The following CEP112 variants were observed in gnomAD, a reference collection of about 807,000 sequenced individuals.
CEP112 encodes centrosomal protein of 112 kDa.
CEP112 carries 127 observed loss-of-function variants against 153.0 expected under a neutral mutation model. The observed-to-expected ratio is 0.83, with a 90% confidence interval of 0.72 to 0.96. The LOEUF (loss-of-function observed/expected upper bound fraction) is 0.96. CEP112 is among the 40% of genes least tolerant of loss of function. The pLI, the probability that CEP112 is intolerant of heterozygous loss-of-function variation, is 0.00. For synonymous variants in CEP112, 358 were observed against 374.4 expected, an observed-to-expected ratio of 0.96 and a Z score of 0.51; for missense variants, 1,089 against 1,101.2, an observed-to-expected ratio of 0.99 and a Z score of 0.16.
chr17:65,906,315 G>GC (rs1290586785), intron 19 of CEP112, among the ~76,000 whole-genome samples: 2 of 152,074 alleles, frequency 1.3e-5, no homozygotes, highest in African/African-American at 2.4e-5. Context: ...AATACCTAAT[G>GC]TAGGTGACGG....
At chr17:66,158,233 C>T (rs937022328) in intron 4 of CEP112, among the ~76,000 whole-genome samples, 1 of 152,162 alleles carries the variant, frequency 6.6e-6, no homozygotes, top group Non-Finnish European at 1.5e-5. Flanking sequence ...GATTAAGAAA[C>T]TCACTCAAAA....
At chr17:65,653,396 A>G (rs780355013) in intron 24 of CEP112, among the ~76,000 whole-genome samples, 4 of 152,232 alleles carry the variant, frequency 2.6e-5, no homozygotes, top group Admixed American at 6.5e-5. Context: ...TGTTCTTTGA[A>G]TGTCTGGCTT....
chr17:65,705,556 G>C (rs1038515575), intron 23 of CEP112, among the ~76,000 whole-genome samples: 5 of 152,190 alleles, frequency 3.3e-5, no homozygotes, highest in African/African-American at 4.8e-5. Context: ...AGTGTGTTAA[G>C]TGTTCAATTG....
chr17:65,653,284 A>C (rs2045881326), intron 24 of CEP112, among the ~76,000 whole-genome samples: 1 of 152,236 alleles, frequency 6.6e-6, no homozygotes, highest in African/African-American at 2.4e-5. Flanking sequence ...TAAGGGAAGG[A>C]TCTCAGCTCA....
chr17:65,717,508 G>T (rs1330185061), intron 23 of CEP112, among the ~76,000 whole-genome samples: 2 of 152,158 alleles, frequency 1.3e-5, no homozygotes, highest in Non-Finnish European at 2.9e-5. Context: ...CTTTTGGTTG[G>T]TTTTTCCTCC....
chr17:66,076,991 C>T (rs2067527098), intron 8 of CEP112, among the ~76,000 whole-genome samples: 1 of 152,198 alleles, frequency 6.6e-6, no homozygotes, highest in African/African-American at 2.4e-5. Flanking sequence ...AAACCACATC[C>T]GTAGGAAAAG....
At chr17:65,772,887 G>A (rs1000676233) in intron 21 of CEP112, among the ~76,000 whole-genome samples, 1 of 128,256 alleles carries the variant, frequency 7.8e-6, no homozygotes, top group African/African-American at 3.4e-5. Flanking sequence ...ATATTAAAGG[G>A]TAATGATGAT....
chr17:65,744,608 G>A (rs184788191), intron 22 of CEP112, among the ~76,000 whole-genome samples: 1 of 152,232 alleles, frequency 6.6e-6, no homozygotes, highest in East Asian at 1.9e-4. Context: ...TTCCAAATAG[G>A]TTGTCCTCTT....
At chr17:65,947,254 T>TTA (rs2061679642) in intron 18 of CEP112, among the ~76,000 whole-genome samples, 1 of 151,800 alleles carries the variant, frequency 6.6e-6, no homozygotes, top group South Asian at 2.1e-4. Context: ...ATTATAATCA[T>TTA]ACACCTTTAT....
intron 21 of CEP112, among the ~76,000 whole-genome samples, chr17:65,811,161 G>C (rs1037185191): frequency 6.6e-6 from 1 of 152,172 alleles, no homozygotes; most frequent in Non-Finnish European, 1.5e-5. Context: ...CAAGTGTTTA[G>C]ATACTGTAGT....
At chr17:66,153,261 T>C (rs751704096) in intron 4 of CEP112, among the ~76,000 whole-genome samples, 9 of 152,168 alleles carry the variant, frequency 5.9e-5, no homozygotes, top group African/African-American at 1.7e-4. Flanking sequence ...ACATTCATAA[T>C]AGCCAAATAC....
intron 17 of CEP112, among the ~76,000 whole-genome samples, chr17:65,997,797 C>T (rs201305352): frequency 7.1e-6 from 1 of 141,252 alleles, no homozygotes; most frequent in African/African-American, 2.6e-5. Context: ...ACATCCCCCC[C>T]CCCACACACA....
At chr17:66,105,487 C>T (rs1412843412) in intron 6 of CEP112, among the ~76,000 whole-genome samples, 1 of 152,044 alleles carries the variant, frequency 6.6e-6, no homozygotes, top group Non-Finnish European at 1.5e-5. Flanking sequence ...AAAAGACATA[C>T]AGTAGCTTAA....
At chr17:66,185,599 CTG>C (rs929280458) in intron 1 of CEP112, among the ~76,000 whole-genome samples, 10 of 152,176 alleles carry the variant, frequency 6.6e-5, no homozygotes, top group African/African-American at 2.4e-4. Context: ...AAGAAAAACA[CTG>C]AATACAAAGG....
intron 2 of CEP112, among the ~76,000 whole-genome samples, chr17:66,182,589 G>C (rs2072763886): frequency 6.6e-6 from 1 of 152,182 alleles, no homozygotes; most frequent in African/African-American, 2.4e-5. Flanking sequence ...CTACGCCTTA[G>C]AGAATCTTCC....
In CEP112 at chr17:66,045,699, A is replaced by C. The variant is rs75051230; in HGVS notation, c.1218+8037T>G. The stretch of plus-strand genomic sequence containing the variant: ...AATATGCAGACAGATGTGTGCTCAT[A>C]TATGTACTTGTGTATGTTCTGGGCA... On this transcript the variant is annotated intron_variant, in intron 12 of 26. Coordinates refer to ENST00000535342, the MANE Select transcript of CEP112 (RefSeq NM_001199165.4). 1.4e-3 allele frequency among the ~76,000 whole-genome samples: 220 copies of C among 152,312 alleles called. 1 individual carries two copies. The highest frequency in any genetic ancestry group is 5.1e-3 in the African/African-American group (210 of 41,554).
At chr17:65,821,516 A>AT (rs2056554696) in intron 21 of CEP112, among the ~76,000 whole-genome samples, 2 of 29,026 alleles carry the variant, frequency 6.9e-5, no homozygotes. Context: ...ATATATAATT[A>AT]TATATATATA....
intron 17 of CEP112, among the ~76,000 whole-genome samples, chr17:65,975,325 A>G (rs2062993087): frequency 6.6e-6 from 1 of 152,246 alleles, no homozygotes; most frequent in Non-Finnish European, 1.5e-5. Flanking sequence ...GAATTTGACT[A>G]GAAATGGAAT....
At position 65,802,757 on chromosome 17, in the gene CEP112, G is replaced by A. The variant is rs1004292050; in HGVS notation, c.2394+49047C>T. 5.3e-5 allele frequency among the ~76,000 whole-genome samples: 8 copies of A among 152,148 alleles called. No individual in the cohort carries two copies. The South Asian group carries it at 6.2e-4, about 12-fold the overall frequency. On this transcript the variant is annotated intron_variant, in intron 21 of 26. Coordinates refer to ENST00000535342, the MANE Select transcript of CEP112 (RefSeq NM_001199165.4). ...TTATCATCTTATTCTAGGACTCATC[G>A]TGATGCCTAACTCATTATACTCAGC...
Sources: gnomAD v4.1 joint callset for allele counts (sites outside exome capture counted in the v4.1 genomes callset) on GRCh38, gnomAD v4.1.1 for gene constraint, MANE v1.5 for transcripts, NCBI Gene and HGNC (gene_info 2026-07-23, HGNC 2026-07-21) for gene names.